The following P2RX4 variants were observed in gnomAD, a reference collection of about 807,000 sequenced individuals.
P2RX4 encodes purinergic receptor P2X 4.
P2RX4 carries 37 observed loss-of-function variants against 48.0 expected under a neutral mutation model. The observed-to-expected ratio is 0.77, with a 90% CI of 0.59 to 1.01. The LOEUF is 1.01. Among genes scored for constraint, P2RX4 ranks in the 50% least tolerant of loss-of-function variants. P2RX4 has a pLI of 0.00. For missense variants in P2RX4, 501 were observed against 521.4 expected, an observed-to-expected ratio of 0.96 and a Z score of 0.38; for synonymous variants, 200 against 199.7, an observed-to-expected ratio of 1.00 and a Z score of -0.01.
chr12:121,218,215 C>T (rs1209586960), intron 2 of P2RX4, among the ~76,000 whole-genome samples: 1 of 152,078 alleles, frequency 6.6e-6, no homozygotes, highest in Non-Finnish European at 1.5e-5. Flanking sequence ...GGGCCAGGTG[C>T]GGTGGCTCAT....
chr12:121,219,705 GGAAA>G (rs1382503521), intron 2 of P2RX4, among the ~76,000 whole-genome samples: 2 of 151,410 alleles, frequency 1.3e-5, no homozygotes, highest in South Asian at 2.1e-4. Flanking sequence ...AGAAAGAAAG[GGAAA>G]GAAAGAAAAG....
At position 121,217,259 on chromosome 12, in the gene P2RX4, C is replaced by G. The variant is rs200356284; in HGVS notation, c.260C>G (p.Ala87Gly). The G allele has an allele frequency of 8.7e-6, 14 of 1,614,156 alleles. No individual in the cohort carries two copies. In the Admixed American group the frequency reaches 1.8e-4, roughly 21 times the overall value. The change falls in exon 2 of 12, where the codon GCG becomes GGG. Residue 87 changes from alanine to glycine, a missense_variant. By Grantham distance (60) the Ala-to-Gly change is moderately conservative (BLOSUM62 0). Around this residue, in one of 3 missense-constraint regions of P2RX4, gnomAD observed 295 missense variants for 275.3 expected, o/e 1.07. Transcript: ENST00000337233. ...SKLGFRIWDV[A>G]DYVIPAQEEN... is the part of the protein sequence containing the mutation. ...CTTGGATTCCGGATCTGGGATGTGGCGGATTATGTGATACCAGCTCAGGTG... is the reference window on the plus strand; with the variant it reads ...CTTGGATTCCGGATCTGGGATGTGGGGGATTATGTGATACCAGCTCAGGTG...
chr12:121,231,254 G>T lies in P2RX4; in HGVS notation c.885-1160G>T, dbSNP rs1013263546. Among the ~76,000 whole-genome samples, 106 of 152,070 alleles carry T rather than the reference G, an allele frequency of 7.0e-4. 1 individual carries two copies. The highest frequency in any genetic ancestry group is 2.4e-3 in the African/African-American group (98 of 41,398). On this transcript the variant is annotated intron_variant, in intron 8 of 11. Coordinates refer to ENST00000337233, the MANE Select transcript of P2RX4 (RefSeq NM_002560.3). Reference sequence around the variant, plus strand: ...TCCACCTGCCTCGGCCTCCCAAAGTGCCGGAATTACAGGTGTGAGCCACCG... The same window carrying T: ...TCCACCTGCCTCGGCCTCCCAAAGTTCCGGAATTACAGGTGTGAGCCACCG...
At chr12:121,224,474 T>C (rs725135) in intron 5 of P2RX4, among the ~76,000 whole-genome samples, 53,933 of 151,452 alleles carry the variant, frequency 0.36, 9,865 homozygotes, top group South Asian at 0.4. Context: ...GGGTGGCGCT[T>C]GTCTGTAATC....
intron 8 of P2RX4, among the ~76,000 whole-genome samples, chr12:121,230,429 C>A (rs908057867): frequency 6.6e-6 from 1 of 152,206 alleles, no homozygotes; most frequent in Non-Finnish European, 1.5e-5. Context: ...TGGGCGCGGT[C>A]AGCGGTGCTT....
At chr12:121,233,399 T>C in intron 11 of P2RX4, 124 bp from the exon 12 acceptor site, 1 of 986,540 alleles carries the variant, frequency 1.0e-6, no homozygotes, top group Non-Finnish European at 1.6e-6. Context: ...ACAGGAAGGG[T>C]TGGGTTCCAG....
chr12:121,233,268 CT>C, intron 11 of P2RX4, 176 bp downstream of exon 11: 1 of 639,240 alleles, frequency 1.6e-6, no homozygotes, highest in Non-Finnish European at 2.8e-6. Context: ...CCCTAGGCCC[CT>C]GTACTAGATT....
At chr12:121,211,395 GGTTTCA>G (rs1475819096) in intron 1 of P2RX4, among the ~76,000 whole-genome samples, 1 of 152,010 alleles carries the variant, frequency 6.6e-6, no homozygotes, top group African/African-American at 2.4e-5. Flanking sequence ...GTAGAGACGG[GGTTTCA>G]GGCTGGTCCT....
chr12:121,219,248 T>A (rs1346910427), intron 2 of P2RX4, among the ~76,000 whole-genome samples: 1 of 152,114 alleles, frequency 6.6e-6, no homozygotes, highest in Non-Finnish European at 1.5e-5. Flanking sequence ...TCTCCCAACA[T>A]AGTTTGCCCT....
intron 5 of P2RX4, among the ~76,000 whole-genome samples, chr12:121,224,255 G>A (rs1593215547): frequency 6.6e-6 from 1 of 152,132 alleles, no homozygotes; most frequent in Non-Finnish European, 1.5e-5. Flanking sequence ...GAAAAGCTGG[G>A]AGCAGATGCT....
intron 5 of P2RX4, among the ~76,000 whole-genome samples, chr12:121,226,747 G>C (rs113642375): frequency 2.0e-5 from 3 of 152,022 alleles, no homozygotes; most frequent in Non-Finnish European, 4.4e-5. Context: ...TGGGTGTTAC[G>C]GTACAGGAAA....
At chr12:121,219,026 A>G (rs1447236476) in intron 2 of P2RX4, among the ~76,000 whole-genome samples, 1 of 152,174 alleles carries the variant, frequency 6.6e-6, no homozygotes, top group Non-Finnish European at 1.5e-5. Context: ...CCCCAACTCT[A>G]AAAGAGAGAG....
At chr12:121,230,663 C>T (rs1254247286) in intron 8 of P2RX4, among the ~76,000 whole-genome samples, 3 of 152,200 alleles carry the variant, frequency 2.0e-5, no homozygotes, top group Non-Finnish European at 4.4e-5. Context: ...AGCCCTAAAA[C>T]GGAAAGAACT....
chr12:121,212,964 A>G (rs1040326717), intron 1 of P2RX4: 10 of 150,936 alleles, frequency 6.6e-5, no homozygotes, highest in African/African-American at 2.4e-4. Context: ...GGATCAGTGC[A>G]CATCTACCTT....
chr12:121,211,113 C>A (rs1371966028), intron 1 of P2RX4, among the ~76,000 whole-genome samples: 1 of 152,172 alleles, frequency 6.6e-6, no homozygotes, highest in African/African-American at 2.4e-5. Flanking sequence ...TCAGTCATTC[C>A]CCATGCTGCC....
chr12:121,216,358 T>G (rs1163496359), intron 1 of P2RX4: 1 of 152,688 alleles, frequency 6.5e-6, no homozygotes, highest in Admixed American at 6.5e-5. Flanking sequence ...TTTCCTCCTC[T>G]GTAAAATGGA....
chr12:121,219,568 G>T (rs1212632091), intron 2 of P2RX4, among the ~76,000 whole-genome samples: 1 of 151,394 alleles, frequency 6.6e-6, no homozygotes, highest in African/African-American at 2.4e-5. Flanking sequence ...CATCTTGATT[G>T]GATGGGTGGT....
At chr12:121,233,422 C>A in intron 11 of P2RX4, 101 bp from the exon 12 acceptor site, 1 of 1,330,864 alleles carries the variant, frequency 7.5e-7, no homozygotes, top group Non-Finnish European at 1.1e-6. Flanking sequence ...CTGGGACCAA[C>A]TTGAGAACCC....
chr12:121,231,708 TTTG>T (rs372211683), intron 8 of P2RX4, among the ~76,000 whole-genome samples: 57 of 152,154 alleles, frequency 3.7e-4, no homozygotes, highest in South Asian at 6.2e-4. Flanking sequence ...AGTGGTTCTT[TTTG>T]TTGTTGTTGT....
Sources: allele counts gnomAD v4.1 joint callset (sites outside exome capture counted in the v4.1 genomes callset), GRCh38; gene constraint gnomAD v4.1.1; regional missense constraint gnomAD v4.1.1; transcripts MANE v1.5; gene names NCBI Gene and HGNC (gene_info 2026-07-23, HGNC 2026-07-21).